Variants in CRTAM observed in about 807,000 individuals in gnomAD.
CRTAM encodes the protein cytotoxic and regulatory T-cell molecule.
In CRTAM, 44 loss-of-function variants were observed where a neutral mutation model predicts 50.0. The ratio of observed to expected loss-of-function variants is 0.88; its 90% confidence interval spans 0.69 to 1.13. CRTAM has a LOEUF of 1.13. Ranked by LOEUF, CRTAM falls within the 50% of genes most tolerant of loss-of-function variation. The pLI is 0.00. For missense variants in CRTAM, 448 were observed against 457.5 expected (o/e 0.98, Z 0.19); for synonymous variants, 159 against 169.3 (o/e 0.94, Z 0.47).
rs577230297 is a variant in CRTAM, at chr11:122,872,329, G to T, written c.*930G>T. The stretch of plus-strand genomic sequence containing the variant: ...CCTTAGATTACTAAATCACATGAGC[G>T]GACCTTGTCTGTCAGATAAGATTTT... On this transcript the variant is annotated 3_prime_UTR_variant, in exon 10 of 10. Transcript: ENST00000227348. 1 of 152,140 alleles carries T rather than the reference G, an allele frequency of 6.6e-6. No homozygotes were observed. Among genetic ancestry groups the T allele is most frequent in the East Asian group, 1.9e-4 (1 of 5,198 alleles). The allele number at this position is 152,140 out of a possible 1,614,324, so 9.4% of individuals were successfully genotyped here.
intron 7 of CRTAM, among the ~76,000 whole-genome samples, chr11:122,867,163 G>A (rs552755116): frequency 7.9e-5 from 12 of 152,096 alleles, no homozygotes; most frequent in African/African-American, 2.6e-4. Flanking sequence ...CAATAGCTAC[G>A]TCACTTAAAA....
intron 4 of CRTAM, among the ~76,000 whole-genome samples, chr11:122,854,740 A>G (rs1473324881): frequency 6.6e-6 from 1 of 151,932 alleles, no homozygotes; most frequent in Non-Finnish European, 1.5e-5. Flanking sequence ...TATATTTAAC[A>G]TAATACATAT....
intron 6 of CRTAM, among the ~76,000 whole-genome samples, chr11:122,863,669 A>G (rs888815612): frequency 1.3e-5 from 2 of 152,246 alleles, no homozygotes; most frequent in Non-Finnish European, 2.9e-5. Flanking sequence ...TGAAAATATT[A>G]TGAAGTGGAA....
intron 3 of CRTAM, among the ~76,000 whole-genome samples, chr11:122,853,016 A>G (rs548583462): frequency 6.6e-6 from 1 of 152,236 alleles, no homozygotes; most frequent in East Asian, 1.9e-4. Flanking sequence ...AAGTATTTCC[A>G]AGACAGAAGT....
At chr11:122,838,731 T>C in intron 1 of CRTAM, 139 bp downstream of exon 1, 2 of 712,362 alleles carry the variant, frequency 2.8e-6, no homozygotes, top group East Asian at 5.2e-5. Context: ...TTCCAAGCCA[T>C]GCTCAAATCA....
chr11:122,844,068 C>T (rs749931526), intron 1 of CRTAM, among the ~76,000 whole-genome samples: 1 of 152,196 alleles, frequency 6.6e-6, no homozygotes. Context: ...AAACACAGCC[C>T]TTTCCATATG....
chr11:122,860,149 G>A (rs566205559), intron 5 of CRTAM, among the ~76,000 whole-genome samples: 2 of 152,140 alleles, frequency 1.3e-5, no homozygotes, highest in Non-Finnish European at 2.9e-5. Context: ...CCAGGTTCAA[G>A]CAATACTCCC....
intron 5 of CRTAM, among the ~76,000 whole-genome samples, chr11:122,857,456 G>A (rs10892916): frequency 0.2 from 31,171 of 152,130 alleles, 3,708 homozygotes; most frequent in Admixed American, 0.36. Context: ...GCAACAGAGC[G>A]AGACTCTGTC....
intron 1 of CRTAM, among the ~76,000 whole-genome samples, chr11:122,841,785 A>G (rs1446875830): frequency 1.3e-5 from 2 of 152,224 alleles, no homozygotes; most frequent in Non-Finnish European, 2.9e-5. Context: ...CAGCTTTTCC[A>G]TAAGGAGTTT....
intron 5 of CRTAM, among the ~76,000 whole-genome samples, chr11:122,856,609 AC>A (rs1862011023): frequency 2.6e-5 from 4 of 152,252 alleles, no homozygotes; most frequent in Admixed American, 2.6e-4. Flanking sequence ...GGAATTACTC[AC>A]ATCAGTGAAA....
chr11:122,870,174 G>A (rs558207228), intron 9 of CRTAM, among the ~76,000 whole-genome samples: 9 of 151,982 alleles, frequency 5.9e-5, no homozygotes, highest in Admixed American at 2.0e-4. Flanking sequence ...TTGACCTTTC[G>A]AGCTCAATCA....
chr11:122,862,575 T>A, intron 6 of CRTAM, 31 bp downstream of exon 6: 1 of 1,347,928 alleles, frequency 7.4e-7, no homozygotes, highest in Non-Finnish European at 1.0e-6. Context: ...AACTTGTTTT[T>A]AAAAAATCAC....
rs778677971 is a variant in CRTAM, at chr11:122,854,055, C to T, written c.459C>T (p.Thr153=). The change falls in exon 4 of 10, where the codon ACC becomes ACT. Residue 153 remains threonine (T), a synonymous_variant. Transcript: ENST00000227348. ...TMRSKPPPQI[T]WLLGNSMEVS... ...GAAGCAAGCCCCCTCCGCAGATAAC[C>T]TGGCTACTTGGGAATAGCATGGAAG... The T allele has an allele frequency of 1.2e-6, 2 of 1,613,992 alleles. No homozygotes were observed. The highest frequency in any genetic ancestry group is 1.7e-6 in the Non-Finnish European group (2 of 1,179,934).
intron 1 of CRTAM, among the ~76,000 whole-genome samples, chr11:122,845,060 A>G (rs557363690): frequency 1.8e-4 from 28 of 152,294 alleles, no homozygotes; most frequent in Non-Finnish European, 3.1e-4. Context: ...TAGAGAGTCT[A>G]TCCAGGATCT....
intron 9 of CRTAM, among the ~76,000 whole-genome samples, chr11:122,870,098 A>G (rs1335461850): frequency 4.6e-5 from 7 of 151,744 alleles, no homozygotes; most frequent in African/African-American, 1.7e-4. Context: ...TTTTTTTTTG[A>G]GACAGGGTCT....
At chr11:122,866,272 C>T (rs1234587005) in intron 7 of CRTAM, among the ~76,000 whole-genome samples, 2 of 152,136 alleles carry the variant, frequency 1.3e-5, no homozygotes, top group African/African-American at 4.8e-5. Context: ...CTCACCTCTC[C>T]TTACTCCCTC....
chr11:122,872,325 G>A lies in CRTAM; in HGVS notation c.*926G>A, dbSNP rs896351760. ...AATTCCTTAGATTACTAAATCACAT[G>A]AGCGGACCTTGTCTGTCAGATAAGA... On this transcript the variant is annotated 3_prime_UTR_variant, in exon 10 of 10. Transcript: ENST00000227348. The A allele has an allele frequency of 1.3e-5, 2 of 152,200 alleles. No individual in the cohort carries two copies. Among genetic ancestry groups the A allele is most frequent in the African/African-American group, 4.8e-5 (2 of 41,460 alleles). 9.4% of individuals were successfully genotyped at this position (152,200 alleles called of 1,614,324 possible). A position where few individuals can be genotyped will look rare whatever the true frequency, so the allele number is the denominator to read the frequency against.
intron 7 of CRTAM, among the ~76,000 whole-genome samples, chr11:122,865,745 T>C (rs1862163627): frequency 1.3e-5 from 2 of 152,218 alleles, no homozygotes; most frequent in Admixed American, 1.3e-4. Context: ...AATCAGCTTG[T>C]CCAAAGCATC....
At chr11:122,840,877 C>T (rs1176897755) in intron 1 of CRTAM, among the ~76,000 whole-genome samples, 1 of 151,870 alleles carries the variant, frequency 6.6e-6, no homozygotes, top group African/African-American at 2.4e-5. Context: ...AGTCTTAGGA[C>T]TGGTAAAAAC....
Sources: gnomAD v4.1 joint callset for allele counts (sites outside exome capture counted in the v4.1 genomes callset) on GRCh38, gnomAD v4.1.1 for gene constraint, MANE v1.5 for transcripts, NCBI Gene and HGNC (gene_info 2026-07-23, HGNC 2026-07-21) for gene names.